MROH9: variants seen among roughly 807,000 people sequenced by gnomAD.
MROH9 encodes the protein maestro heat like repeat family member 9.
A neutral mutation model predicts 98.2 loss-of-function variants in MROH9; 92 were observed. The ratio of observed to expected loss-of-function variants is 0.94; its 90% confidence interval spans 0.79 to 1.11. The LOEUF is 1.11. Ranked by LOEUF, MROH9 falls within the 50% of genes most tolerant of loss-of-function variation. MROH9 has a pLI of 0.00. For missense variants in MROH9, 1,057 were observed against 1,014.8 expected (o/e 1.04, Z -0.57); for synonymous variants, 397 against 368.9 (o/e 1.08, Z -0.87).
At chr1:171,037,514 T>A (rs1382509127) in intron 20 of MROH9, among the ~76,000 whole-genome samples, 1 of 151,958 alleles carries the variant, frequency 6.6e-6, no homozygotes, top group Non-Finnish European at 1.5e-5. Context: ...AATAAAAATT[T>A]TAAAAGTGTC....
At chr1:171,063,801 A>C (rs1018637555) in intron 21 of MROH9, among the ~76,000 whole-genome samples, 1 of 152,208 alleles carries the variant, frequency 6.6e-6, no homozygotes, top group African/African-American at 2.4e-5. Flanking sequence ...CCTCTTCCTA[A>C]ATATATGAAT....
chr1:170,988,479 G>C (rs1376025084), intron 10 of MROH9, among the ~76,000 whole-genome samples: 18 of 152,000 alleles, frequency 1.2e-4, no homozygotes, highest in Non-Finnish European at 2.9e-5. Context: ...TGAGATGAAG[G>C]CTTACCAAGT....
At chr1:171,030,651 CTGTT>C (rs747931406) in intron 20 of MROH9, among the ~76,000 whole-genome samples, 10 of 152,248 alleles carry the variant, frequency 6.6e-5, no homozygotes, top group Non-Finnish European at 1.0e-4. Context: ...TTCTGAAAGA[CTGTT>C]TGTTATGATT....
chr1:170,987,647 T>G (rs1202339018), intron 10 of MROH9, among the ~76,000 whole-genome samples: 1 of 152,212 alleles, frequency 6.6e-6, no homozygotes, highest in Non-Finnish European at 1.5e-5. Flanking sequence ...ATAGGTGCAT[T>G]TAGCTCATGT....
intron 15 of MROH9, among the ~76,000 whole-genome samples, chr1:171,013,779 T>C (rs1418658141): frequency 6.6e-6 from 1 of 151,934 alleles, no homozygotes; most frequent in Non-Finnish European, 1.5e-5. Context: ...AGACATACAC[T>C]GTGAAGAAAC....
At position 171,064,711 on chromosome 1, in the gene MROH9, A is replaced by C. The variant is rs1654115823; in HGVS notation, c.*371A>C. On this transcript the variant is annotated 3_prime_UTR_variant, in exon 22 of 22. Transcript: ENST00000367759. ...AGATACTGTGTTAGGCAGTGGGGAC[A>C]TTTGGATGATATAGACAAGGTTCCT... The C allele has an allele frequency of 5.9e-6, 1 of 169,278 alleles. No homozygotes were observed. Among genetic ancestry groups the C allele is most frequent in the Admixed American group, 6.1e-5 (1 of 16,358 alleles). 10.5% of individuals were successfully genotyped at this position (169,278 alleles called of 1,614,324 possible).
chr1:171,021,686 G>A (rs938464853), intron 17 of MROH9, among the ~76,000 whole-genome samples: 1 of 152,082 alleles, frequency 6.6e-6, no homozygotes, highest in Non-Finnish European at 1.5e-5. Context: ...TCAGGACATA[G>A]GCGTGGGCAA....
intron 20 of MROH9, among the ~76,000 whole-genome samples, chr1:171,038,887 A>G (rs539754295): frequency 6.6e-6 from 1 of 152,288 alleles, no homozygotes; most frequent in East Asian, 1.9e-4. Context: ...ATATTTAAAA[A>G]GTGAGAGATC....
At chr1:171,029,014 C>T (rs1417461320) in intron 20 of MROH9, among the ~76,000 whole-genome samples, 2 of 152,070 alleles carry the variant, frequency 1.3e-5, no homozygotes, top group Non-Finnish European at 2.9e-5. Flanking sequence ...TTTTCTCTTG[C>T]CTGATTGCCC....
In MROH9 at chr1:171,064,326, G is replaced by T; in HGVS notation, c.2572G>T (p.Asp858Tyr). 3 of 1,537,752 alleles carry T rather than the reference G, an allele frequency of 2.0e-6. No homozygotes were observed. Among genetic ancestry groups the T allele is most frequent in the Non-Finnish European group, 2.6e-6 (3 of 1,143,554 alleles). The part of the protein sequence containing the change: ...SPTDSKDVKN[D>Y]KAL ...TACAGACAGTAAAGATGTCAAGAAT[G>T]ATAAGGCCTTATAGAAGAGAATGAT... is the stretch of plus-strand genomic sequence containing the variant. The change falls in exon 22 of 22, where the codon GAT becomes TAT. Residue 858 changes from aspartate to tyrosine, a missense_variant. By Grantham distance (160) the Asp-to-Tyr change is radical (BLOSUM62 -3). Coordinates refer to ENST00000367759, the MANE Select transcript of MROH9 (RefSeq NM_001163629.2).
chr1:171,018,220 C>T (rs1652394662), intron 17 of MROH9, among the ~76,000 whole-genome samples: 1 of 152,086 alleles, frequency 6.6e-6, no homozygotes, highest in Admixed American at 6.5e-5. Context: ...CCAGATTCCT[C>T]GAGTGACATC....
chr1:170,958,353 G>C (rs1332010121), intron 3 of MROH9, 108 bp from the exon 4 acceptor site: 1 of 542,950 alleles, frequency 1.8e-6, no homozygotes, highest in Non-Finnish European at 3.2e-6. Flanking sequence ...AGTCTGATTT[G>C]GTTCCTTTAG....
intron 3 of MROH9, among the ~76,000 whole-genome samples, chr1:170,948,568 C>T (rs1195059184): frequency 3.3e-5 from 5 of 152,064 alleles, no homozygotes; most frequent in East Asian, 1.9e-4. Context: ...ATCTACTATG[C>T]ATTAAATATT....
intron 20 of MROH9, among the ~76,000 whole-genome samples, chr1:171,031,502 G>C (rs993103161): frequency 3.3e-5 from 5 of 152,038 alleles, no homozygotes; most frequent in African/African-American, 4.8e-5. Context: ...CTCAACATTT[G>C]TCTTGAAATG....
intron 8 of MROH9, 28 bp downstream of exon 8, chr1:170,971,911 G>C: frequency 2.5e-6 from 4 of 1,608,616 alleles, no homozygotes; most frequent in Non-Finnish European, 3.4e-6. Context: ...TCTTTTCTCA[G>C]GATTACTAAG....
chr1:171,034,398 A>T (rs2101851776), intron 20 of MROH9, among the ~76,000 whole-genome samples: 1 of 152,208 alleles, frequency 6.6e-6, no homozygotes, highest in Admixed American at 6.5e-5. Flanking sequence ...TAACTGTAGG[A>T]CTCTCATCTG....
chr1:171,014,871 A>C (rs573900507), intron 16 of MROH9: 1 of 431,298 alleles, frequency 2.3e-6, no homozygotes, highest in South Asian at 1.7e-5. Flanking sequence ...CCCCCGTCCT[A>C]TGGAATCAGA....
intron 11 of MROH9, 90 bp downstream of exon 11, chr1:170,990,093 A>T: frequency 7.5e-7 from 1 of 1,330,220 alleles, no homozygotes; most frequent in Non-Finnish European, 1.0e-6. Context: ...TCAATCTACC[A>T]TAGTCAGGCC....
chr1:170,998,151 C>G lies in MROH9; in HGVS notation c.1476-3C>G, dbSNP rs1374257792. On this transcript the variant is annotated splice_region_variant and splice_polypyrimidine_tract_variant and intron_variant, in intron 14 of 21. Transcript: ENST00000367759. ...TAATTCAGTGCCTTATTCTCTTTTACAGAACTCTCAGTGAATATAACTTTC... is the reference window on the plus strand; with the variant it reads ...TAATTCAGTGCCTTATTCTCTTTTAGAGAACTCTCAGTGAATATAACTTTC... The G allele has an allele frequency of 3.1e-6, 5 of 1,594,552 alleles. No homozygotes were observed. The highest frequency in any genetic ancestry group is 4.3e-6 in the Non-Finnish European group (5 of 1,172,810).
Sources: allele counts gnomAD v4.1 joint callset (sites outside exome capture counted in the v4.1 genomes callset), GRCh38; gene constraint gnomAD v4.1.1; transcripts MANE v1.5; gene names NCBI Gene and HGNC (gene_info 2026-07-23, HGNC 2026-07-21).